Variants in BICRA observed in about 807,000 individuals in gnomAD.
BICRA encodes the protein BRD4-interacting chromatin-remodeling complex-associated protein.
BICRA carries 31 observed loss-of-function variants against 96.9 expected under a neutral mutation model. The observed-to-expected ratio is 0.32, with a 90% CI of 0.24 to 0.43. BICRA has a LOEUF of 0.43. Ranked by LOEUF, BICRA falls within the 20% of genes least tolerant of loss-of-function variation. The pLI is 1.00. For synonymous variants in BICRA, 1,350 were observed against 1,071.8 expected (o/e 1.26, Z -5.07); for missense variants, 2,283 against 2,190.3 (o/e 1.04, Z -0.84).
intron 1 of BICRA, among the ~76,000 whole-genome samples, chr19:47,653,330 A>T (rs1348444710): frequency 5.6e-5 from 8 of 143,992 alleles, no homozygotes; most frequent in South Asian, 2.2e-4. Flanking sequence ...GCCTCATTCT[A>T]TTTTTTTTTT....
Position 47,702,193 on chromosome 19 carries a change from C to G in BICRA, c.4461C>G (p.Phe1487Leu). ...CGCCCGACGTGGACCAGGCCAGCTT[C>G]TCCAGCGACAGCCCGCAGGATGACA... ...SESPDVDQASFSSDSPQDDTL... is the reference protein window; with the variant it reads ...SESPDVDQASLSSDSPQDDTL... The change falls in exon 15 of 15, where the codon TTC becomes TTG. Residue 1487 changes from phenylalanine (F) to leucine (L), a missense_variant. Coordinates refer to ENST00000594866, the MANE Select transcript of BICRA (RefSeq NM_001394372.1). 1 of 1,592,478 alleles carries G rather than the reference C, an allele frequency of 6.3e-7. No individual in the cohort carries two copies. Among genetic ancestry groups the G allele is most frequent in the African/African-American group, 1.3e-5 (1 of 74,124 alleles).
chr19:47,665,114 C>T lies in BICRA; in HGVS notation c.-107-5329C>T, dbSNP rs112586921. Among the ~76,000 whole-genome samples the T allele has an allele frequency of 4.0e-5, 6 of 151,768 alleles. 1 individual carries two copies. The highest frequency in any genetic ancestry group is 1.4e-4 in the African/African-American group (6 of 41,386). ...GTAGGGGAGAGGTCTCCAGCACCCT[C>T]CCTGGCTGAGAACCACCAGCTGTGC... On this transcript the variant is annotated intron_variant, in intron 1 of 14. Transcript: ENST00000594866.
chr19:47,694,330 C>A lies in BICRA; in HGVS notation c.2499C>A (p.Gly833=), dbSNP rs1973292307. Residue 833 remains glycine, a synonymous_variant, in exon 8 of 15, where the codon GGC becomes GGA. Coordinates refer to ENST00000594866, the MANE Select transcript of BICRA (RefSeq NM_001394372.1). Reference sequence around the variant, plus strand: ...CCCAGGCCCCCCCAACTCTGCCTGGCATCTTTGTCATCCAAAACCAGCTAG... The same window carrying A: ...CCCAGGCCCCCCCAACTCTGCCTGGAATCTTTGTCATCCAAAACCAGCTAG... ...PPPQAPPTLP[G]IFVIQNQLGV... 5 of 980,598 alleles carry A rather than the reference C, an allele frequency of 5.1e-6. No individual in the cohort carries two copies. Among genetic ancestry groups the A allele is most frequent in the African/African-American group, 1.8e-5 (1 of 55,526 alleles). The allele number at this position is 980,598 out of a possible 1,614,324, so 60.7% of individuals were successfully genotyped here.
chr19:47,651,090 C>G (rs1972533494), intron 1 of BICRA, among the ~76,000 whole-genome samples: 1 of 152,124 alleles, frequency 6.6e-6, no homozygotes, highest in Admixed American at 6.6e-5. Context: ...CCTGCCTGGA[C>G]CATTACCGTC....
At chr19:47,627,762 GTTTGTTTTGT>G in intron 1 of BICRA, among the ~76,000 whole-genome samples, 1 of 152,134 alleles carries the variant, frequency 6.6e-6, no homozygotes, top group Admixed American at 6.6e-5. Flanking sequence ...TTTTTTGTTT[GTTTGTTTTGT>G]TTTGTTTTGT....
rs372996735 is a variant in BICRA, at chr19:47,683,733, C to T, written c.2283+1581C>T. ...CCGAGTAGCTGGGACTACAGGCGCC[C>T]GCCACCACGCCGGGCTAATTTTTTG... On this transcript the variant is annotated intron_variant, in intron 7 of 14. Coordinates refer to ENST00000594866, the MANE Select transcript of BICRA (RefSeq NM_001394372.1). 2.1e-3 allele frequency among the ~76,000 whole-genome samples: 318 copies of T among 152,154 alleles called. 1 individual carries two copies. Among genetic ancestry groups the T allele is most frequent in the African/African-American group, 7.1e-3 (295 of 41,522 alleles).
chr19:47,654,168 C>T (rs945352556), intron 1 of BICRA, among the ~76,000 whole-genome samples: 41 of 152,172 alleles, frequency 2.7e-4, no homozygotes, highest in African/African-American at 9.2e-4. Context: ...AGTGAGCATT[C>T]GTGTTCCGCC....
intron 1 of BICRA, among the ~76,000 whole-genome samples, chr19:47,650,018 A>G (rs1170856861): frequency 1.3e-5 from 2 of 152,014 alleles, no homozygotes; most frequent in Non-Finnish European, 2.9e-5. Flanking sequence ...GTGGCACAAT[A>G]TCAGCTCACT....
chr19:47,609,532 C>T (rs1159342801), intron 1 of BICRA, among the ~76,000 whole-genome samples: 5 of 151,684 alleles, frequency 3.3e-5, no homozygotes, highest in African/African-American at 7.3e-5. Flanking sequence ...CTCCCCGGCC[C>T]TCCCGCCGGC....
In BICRA at chr19:47,694,952, C is replaced by A. The variant is rs531030654; in HGVS notation, c.2948C>A (p.Pro983Gln). The A allele has an allele frequency of 1.3e-6, 2 of 1,549,902 alleles. No individual in the cohort carries two copies. The highest frequency in any genetic ancestry group is 2.1e-5 in the Admixed American group (1 of 47,278). Reference sequence around the variant, plus strand: ...AAGGCTGGGGGGGCCCCTGCCGCCCCGCAGACCTCCACCAGCCTGGGGCCC... The same window carrying A: ...AAGGCTGGGGGGGCCCCTGCCGCCCAGCAGACCTCCACCAGCCTGGGGCCC... ...QNKAGGAPAA[P>Q]QTSTSLGPLT... Residue 983 changes from proline to glutamine, a missense_variant, in exon 9 of 15, where the codon CCG becomes CAG. Transcript: ENST00000594866.
intron 1 of BICRA, among the ~76,000 whole-genome samples, chr19:47,632,612 G>T (rs1218017746): frequency 6.6e-6 from 1 of 152,190 alleles, no homozygotes; most frequent in Non-Finnish European, 1.5e-5. Flanking sequence ...CCATCACTGT[G>T]TGCCATGTTG....
intron 1 of BICRA, among the ~76,000 whole-genome samples, chr19:47,638,808 C>T (rs549807101): frequency 1.3e-5 from 2 of 152,216 alleles, no homozygotes; most frequent in East Asian, 3.9e-4. Context: ...GTGGCCGCCA[C>T]CATGCCCGGC....
rs138861209 is a variant in BICRA at position 47,699,453 on chromosome 19, C to T, written c.3595+48C>T. 3,793 of 1,066,430 alleles carry T rather than the reference C, an allele frequency of 3.6e-3. 15 individuals are homozygous for T. The highest frequency in any genetic ancestry group is 3.6e-3 in the Non-Finnish European group (2,554 of 705,416). The allele number at this position is 1,066,430 out of a possible 1,614,324, so 66.1% of individuals were successfully genotyped here. A position where few individuals can be genotyped will look rare whatever the true frequency, so the allele number is the denominator to read the frequency against. On this transcript the variant is annotated intron_variant, in intron 14 of 14. Coordinates refer to ENST00000594866, the MANE Select transcript of BICRA (RefSeq NM_001394372.1). This position sits in a 1 kb window ranked among gnomAD's most constrained non-coding sequence, Gnocchi z 5.0. ...GAGGGGAGGGAGAGGTGCCCCCACC[C>T]CACCTGGGCAGAAGAGTTAGATTCA...
intron 6 of BICRA, 67 bp from the exon 7 acceptor site, chr19:47,681,909 T>G: frequency 2.8e-6 from 3 of 1,087,022 alleles, no homozygotes; most frequent in Non-Finnish European, 1.3e-6. Flanking sequence ...GGGGCAGGGG[T>G]CTCGGGTGGG....
At chr19:47,655,581 A>T (rs893617363) in intron 1 of BICRA, among the ~76,000 whole-genome samples, 8 of 142,168 alleles carry the variant, frequency 5.6e-5, no homozygotes, top group African/African-American at 2.1e-4. Context: ...GGACAGGTGC[A>T]GTGGCTCATG....
chr19:47,631,216 G>C (rs1972217456), intron 1 of BICRA, among the ~76,000 whole-genome samples: 1 of 151,804 alleles, frequency 6.6e-6, no homozygotes, highest in Non-Finnish European at 1.5e-5. Flanking sequence ...CACCCCATCT[G>C]GCTAATTTTT....
intron 7 of BICRA, among the ~76,000 whole-genome samples, chr19:47,692,955 C>T (rs748072036): frequency 7.2e-5 from 11 of 152,224 alleles, no homozygotes; most frequent in East Asian, 1.9e-4. Flanking sequence ...GCCTCAGTTC[C>T]GCCTTCACCA....
At chr19:47,625,412 T>C (rs989927578) in intron 1 of BICRA, among the ~76,000 whole-genome samples, 1 of 151,982 alleles carries the variant, frequency 6.6e-6, no homozygotes. Flanking sequence ...CTCGCAGGTC[T>C]CTGCTTAAAT....
In BICRA at chr19:47,694,203, T is replaced by TC; in HGVS notation, c.2372_2373insC (p.Pro792AlafsTer79). The TC allele has an allele frequency of 1.5e-6, 1 of 678,174 alleles. No individual in the cohort carries two copies. The highest frequency in any genetic ancestry group is 1.8e-6 in the Non-Finnish European group (1 of 551,040). The allele number at this position is 678,174 out of a possible 1,614,324, so 42.0% of individuals were successfully genotyped here. On this transcript the variant is annotated frameshift_variant, in exon 8 of 15. Coordinates refer to ENST00000594866, the MANE Select transcript of BICRA (RefSeq NM_001394372.1). LOFTEE classifies it high-confidence loss of function. ...GCCCCTCTGGGGGACAGCCCCCACC[T>TC]GCCCTCCCCACACCCCACCCGGCCC...
Sources: gnomAD v4.1 joint callset for allele counts (sites outside exome capture counted in the v4.1 genomes callset) on GRCh38, gnomAD v4.1.1 for gene constraint, Gnocchi (gnomAD v3.1) non-coding constraint, MANE v1.5 for transcripts, NCBI Gene and HGNC (gene_info 2026-07-23, HGNC 2026-07-21) for gene names.